Variants in CASK observed in about 807,000 individuals in gnomAD.
CASK encodes calcium/calmodulin dependent serine protein kinase.
A neutral mutation model predicts 82.9 loss-of-function variants in CASK; 4 were observed. That is an observed-to-expected ratio of 0.05 (90% CI 0.02 to 0.11). The LOEUF is 0.11. Among genes scored for constraint, CASK ranks in the 10% least tolerant of loss-of-function variants. The pLI, the probability that CASK is intolerant of heterozygous loss-of-function variation, is 1.00. For missense variants in CASK, 358 were observed against 720.9 expected, an observed-to-expected ratio of 0.50 and a Z score of 5.76; for synonymous variants, 259 against 253.5, an observed-to-expected ratio of 1.02 and a Z score of -0.20.
chrX:41,621,608 A>T lies in CASK; in HGVS notation c.1033+1009T>A, dbSNP rs988675289. Among the ~76,000 whole-genome samples the T allele has an allele frequency of 2.7e-5, 3 of 111,957 alleles. No homozygotes were observed. The Admixed American group carries it at 2.9e-4, about 11-fold the overall frequency. On this transcript the variant is annotated intron_variant, in intron 11 of 26. Coordinates refer to ENST00000378163, the MANE Select transcript of CASK (RefSeq NM_001367721.1). ...ATGAGAGATCTTGAGCCAGAGGCAC[A>T]CAGCTAAGCCACGCCCAGATTCCTG...
At chrX:41,824,074 A>G (rs1282092220) in intron 2 of CASK, among the ~76,000 whole-genome samples, 9 of 112,079 alleles carry the variant, frequency 8.0e-5, no homozygotes, top group Non-Finnish European at 1.7e-4. Context: ...GATAGTATCC[A>G]TTTGAATAAA....
chrX:41,565,707 A>G (rs2065303542), intron 16 of CASK, among the ~76,000 whole-genome samples: 1 of 112,070 alleles, frequency 8.9e-6, no homozygotes, highest in South Asian at 3.7e-4. Context: ...ATCAACAGAA[A>G]AGAGGGAATC....
At chrX:41,700,699 C>A (rs1362488748) in intron 5 of CASK, among the ~76,000 whole-genome samples, 10 of 105,358 alleles carry the variant, frequency 9.5e-5, no homozygotes, top group Non-Finnish European at 1.7e-4. Flanking sequence ...TCTGCCTCAG[C>A]CTTTGGAGTA....
At chrX:41,595,274 G>A (rs972073569) in intron 12 of CASK, among the ~76,000 whole-genome samples, 4 of 111,974 alleles carry the variant, frequency 3.6e-5, no homozygotes, top group African/African-American at 1.3e-4. Flanking sequence ...TATCTTTTAA[G>A]TCTGACTTAC....
At chrX:41,611,929 A>T (rs1256059391) in intron 11 of CASK, among the ~76,000 whole-genome samples, 1 of 111,491 alleles carries the variant, frequency 9.0e-6, no homozygotes, top group Non-Finnish European at 1.9e-5. Context: ...TCCAGCTCCT[A>T]ACCGCGAGTG....
chrX:41,746,216 T>C (rs2068685300), intron 3 of CASK, among the ~76,000 whole-genome samples: 1 of 111,576 alleles, frequency 9.0e-6, no homozygotes, highest in African/African-American at 3.3e-5. Flanking sequence ...AGGCCTCTTG[T>C]TGTCTTGGCC....
chrX:41,756,627 T>C (rs1286119245), intron 3 of CASK, among the ~76,000 whole-genome samples: 3 of 112,488 alleles, frequency 2.7e-5, no homozygotes, highest in Non-Finnish European at 5.6e-5. Flanking sequence ...TAATTAAAGC[T>C]AGCATTTATT....
intron 1 of CASK, among the ~76,000 whole-genome samples, chrX:41,866,783 T>C (rs962259395): frequency 1.8e-5 from 2 of 111,846 alleles, no homozygotes; most frequent in Non-Finnish European, 3.8e-5. Context: ...ATGGCAGGCA[T>C]TAAACTCATC....
At chrX:41,550,729 T>C (rs1287366193) in intron 21 of CASK, among the ~76,000 whole-genome samples, 1 of 101,339 alleles carries the variant, frequency 9.9e-6, no homozygotes, top group East Asian at 3.0e-4. Context: ...AGACCTCATC[T>C]CTACAAAAAA....
chrX:41,752,242 T>C (rs1473825856), intron 3 of CASK, among the ~76,000 whole-genome samples: 1 of 110,748 alleles, frequency 9.0e-6, no homozygotes, highest in East Asian at 2.8e-4. Flanking sequence ...TGAGAAATCA[T>C]GCTAAATAGC....
At chrX:41,697,303 A>C (rs2067706551) in intron 5 of CASK, 1 of 123,509 alleles carries the variant, frequency 8.1e-6, no homozygotes, top group South Asian at 3.6e-4. Context: ...CACTGCTTAG[A>C]TAAAAAGGGA....
intron 2 of CASK, among the ~76,000 whole-genome samples, chrX:41,843,699 T>A: frequency 9.0e-6 from 1 of 111,445 alleles, no homozygotes; most frequent in Middle Eastern, 4.6e-3. Flanking sequence ...CATCTCATCT[T>A]TCTCCATACC....
At chrX:41,894,862 G>C (rs985787534) in intron 1 of CASK, among the ~76,000 whole-genome samples, 2 of 111,983 alleles carry the variant, frequency 1.8e-5, no homozygotes, top group African/African-American at 6.5e-5. Context: ...GTAATGACAA[G>C]GTTTCTAGCA....
At chrX:41,633,038 T>C (rs1199044205) in intron 9 of CASK, among the ~76,000 whole-genome samples, 9 of 85,378 alleles carry the variant, frequency 1.1e-4, no homozygotes, top group African/African-American at 3.9e-4. Context: ...AGTAAGACTC[T>C]CTCAAAAAAA....
intron 2 of CASK, among the ~76,000 whole-genome samples, chrX:41,832,385 T>C (rs1361126707): frequency 8.9e-6 from 1 of 112,042 alleles, no homozygotes; most frequent in East Asian, 2.8e-4. Flanking sequence ...TTCTTGCATG[T>C]GGTAGAATAA....
intron 3 of CASK, among the ~76,000 whole-genome samples, chrX:41,770,313 TATCCATCCATCCATCCATCC>T (rs772189964): frequency 1.3e-3 from 120 of 95,926 alleles, no homozygotes; most frequent in Non-Finnish European, 2.4e-3. Flanking sequence ...CCTACCTACC[TATCCATCCATCCATCCATCC>T]ATCCATCCAT....
intron 22 of CASK, 65 bp from the exon 23 acceptor site, chrX:41,535,038 T>C (rs760459971): frequency 1.9e-4 from 135 of 708,246 alleles, no homozygotes; most frequent in Middle Eastern, 4.6e-4. Flanking sequence ...ACATAAATTA[T>C]AATTTTACTG....
intron 14 of CASK, chrX:41,586,685 T>A: frequency 7.7e-6 from 3 of 387,574 alleles, no homozygotes; most frequent in Non-Finnish European, 1.4e-5. Flanking sequence ...ATGAGTACAG[T>A]CCCTGAAAAG....
intron 1 of CASK, among the ~76,000 whole-genome samples, chrX:41,914,368 G>C (rs746278945): frequency 2.3e-4 from 26 of 112,471 alleles, no homozygotes; most frequent in African/African-American, 8.4e-4. Context: ...CAACAGCCCA[G>C]TAATAAATAG....
Sources: allele counts gnomAD v4.1 joint callset (sites outside exome capture counted in the v4.1 genomes callset), GRCh38; gene constraint gnomAD v4.1.1; transcripts MANE v1.5; gene names NCBI Gene and HGNC (gene_info 2026-07-23, HGNC 2026-07-21).